The following LRRC1 variants were observed in gnomAD, a reference collection of about 807,000 sequenced individuals.
LRRC1 encodes the protein leucine-rich repeat-containing protein 1.
In LRRC1, 28 loss-of-function variants were observed where a neutral mutation model predicts 69.9. The observed-to-expected ratio is 0.40, with a 90% CI of 0.30 to 0.55. The LOEUF (loss-of-function observed/expected upper bound fraction) is 0.55. Among genes scored for constraint, LRRC1 ranks in the 20% least tolerant of loss-of-function variants. The probability of loss-of-function intolerance (pLI) is 0.47; values close to 1 mark genes in which losing one functional copy is unlikely to be tolerated. For missense variants in LRRC1, 498 were observed against 609.0 expected, an observed-to-expected ratio of 0.82 and a Z score of 1.92; for synonymous variants, 236 against 240.2, an observed-to-expected ratio of 0.98 and a Z score of 0.16.
chr6:53,903,842 C>T (rs1768144774), intron 9 of LRRC1, among the ~76,000 whole-genome samples: 1 of 152,234 alleles, frequency 6.6e-6, no homozygotes, highest in Non-Finnish European at 1.5e-5. Flanking sequence ...CTGGATTGCA[C>T]TGGAGTGTTG....
At chr6:53,840,228 ATACT>A (rs1380191028) in intron 1 of LRRC1, among the ~76,000 whole-genome samples, 2 of 152,204 alleles carry the variant, frequency 1.3e-5, no homozygotes, top group African/African-American at 4.8e-5. Flanking sequence ...TTCTGTAATC[ATACT>A]TAATTGATAG....
At chr6:53,872,462 A>T (rs1216429445) in intron 2 of LRRC1, among the ~76,000 whole-genome samples, 4 of 152,090 alleles carry the variant, frequency 2.6e-5, no homozygotes, top group Non-Finnish European at 5.9e-5. Context: ...CTAGTACCAT[A>T]CTGTTTTGGT....
At position 53,920,665 on chromosome 6, in the gene LRRC1, T is replaced by C. The variant is rs777891060; in HGVS notation, c.1320T>C (p.Asn440=). Residue 440 remains asparagine (N), a synonymous_variant, in exon 13 of 14, where the codon AAT becomes AAC. Transcript: ENST00000370888. ...GTGGTGCACTGGAGAACTTGGTAAA[T>C]GATGTCTCTGATGAAGCCTGGAACG... ...PRCGALENLV[N]DVSDEAWNER... 1.9e-6 allele frequency: 3 copies of C among 1,614,152 alleles called. No homozygotes were observed. In the South Asian group the frequency reaches 3.3e-5, roughly 18 times the overall value.
intron 10 of LRRC1, among the ~76,000 whole-genome samples, chr6:53,906,013 G>A (rs1330092556): frequency 1.3e-5 from 2 of 152,226 alleles, no homozygotes; most frequent in Admixed American, 1.3e-4. Context: ...CAGATGGATA[G>A]TAGATTGGGC....
intron 11 of LRRC1, chr6:53,919,230 T>TC (rs57302181): frequency 0.56 from 48,852 of 87,466 alleles, 14,713 homozygotes; most frequent in East Asian, 0.81. Context: ...TTTCTCTCTC[T>TC]TTTTTTTTTT....
intron 1 of LRRC1, among the ~76,000 whole-genome samples, chr6:53,825,967 T>C (rs1349676198): frequency 6.6e-6 from 1 of 151,990 alleles, no homozygotes; most frequent in East Asian, 1.9e-4. Context: ...AGTAACTTAC[T>C]GGCTGAGTGT....
At chr6:53,876,117 A>G (rs1767059692) in intron 2 of LRRC1, among the ~76,000 whole-genome samples, 1 of 152,158 alleles carries the variant, frequency 6.6e-6, no homozygotes, top group South Asian at 2.1e-4. Context: ...GTTCCATCTG[A>G]CTAGGGAGGC....
chr6:53,867,827 C>A (rs1371242630), intron 2 of LRRC1, among the ~76,000 whole-genome samples: 1 of 151,502 alleles, frequency 6.6e-6, no homozygotes, highest in African/African-American at 2.4e-5. Context: ...TGGTGGCGTG[C>A]ACCTGTAGTC....
chr6:53,910,504 C>T (rs1441262394), intron 10 of LRRC1, among the ~76,000 whole-genome samples: 2 of 152,034 alleles, frequency 1.3e-5, no homozygotes, highest in African/African-American at 2.4e-5. Flanking sequence ...TTAAGACATT[C>T]GGGTAAGTTC....
Position 53,880,965 on chromosome 6 carries a change from A to G in LRRC1, c.356+1894A>G, listed in dbSNP as rs9463990. 2.2e-3 allele frequency among the ~76,000 whole-genome samples: 340 copies of G among 151,416 alleles called. 3 individuals are homozygous for G. Among genetic ancestry groups the G allele is most frequent in the African/African-American group, 7.1e-3 (291 of 41,266 alleles). On this transcript the variant is annotated intron_variant, in intron 3 of 13. Transcript: ENST00000370888. The stretch of plus-strand genomic sequence containing the variant: ...ATTCAGTTGCGTATTCCTTTTTTCT[A>G]TTTCTTTGATTTTCCTTTTCTAATG...
chr6:53,878,987 C>T lies in LRRC1; in HGVS notation c.278-6C>T, dbSNP rs768167365. 1 of 1,595,886 alleles carries T rather than the reference C, an allele frequency of 6.3e-7. No homozygotes were observed. ...CAAATTATAGACATTTTCTCTACTC[C>T]TGCAGAGATTCCTGAAATTCCAGAA... On this transcript the variant is annotated splice_polypyrimidine_tract_variant and splice_region_variant and intron_variant, in intron 2 of 13. Coordinates refer to ENST00000370888, the MANE Select transcript of LRRC1 (RefSeq NM_018214.5).
Position 53,851,173 on chromosome 6 carries a change from GACACACACACAC to G in LRRC1, c.277+8967_277+8978del, listed in dbSNP as rs3222575. Among the ~76,000 whole-genome samples, 270 of 144,776 alleles carry G rather than the reference GACACACACACAC, an allele frequency of 1.9e-3. 2 individuals are homozygous for G. Among genetic ancestry groups the G allele is most frequent in the African/African-American group, 6.6e-3 (259 of 38,974 alleles). The allele number at this position is 144,776 out of a possible 152,430, so 95.0% of individuals were successfully genotyped here. A position where few individuals can be genotyped will look rare whatever the true frequency, so the allele number is the denominator to read the frequency against. On this transcript the variant is annotated intron_variant, in intron 2 of 13. Coordinates refer to ENST00000370888, the MANE Select transcript of LRRC1 (RefSeq NM_018214.5). ...GTCTCCAGGGAAACAGAACTAATAG[GACACACACACAC>G]ACACACACACACACACACACGTGAA... is the stretch of plus-strand genomic sequence containing the variant.
intron 1 of LRRC1, among the ~76,000 whole-genome samples, chr6:53,807,315 T>A (rs143900319): frequency 6.6e-6 from 1 of 152,314 alleles, no homozygotes; most frequent in Non-Finnish European, 1.5e-5. Flanking sequence ...TATTGTTGAG[T>A]GCTGGCTGTG....
chr6:53,864,968 G>A (rs1165419898), intron 2 of LRRC1, among the ~76,000 whole-genome samples: 1 of 152,088 alleles, frequency 6.6e-6, no homozygotes, highest in Non-Finnish European at 1.5e-5. Flanking sequence ...AAAATATAAA[G>A]TGTCCATATG....
In LRRC1 at chr6:53,842,121, G is replaced by A; in HGVS notation, c.171G>A (p.Gln57=). The change falls in exon 2 of 14, where the codon CAG becomes CAA. Residue 57 remains glutamine (Q), a synonymous_variant. Transcript: ENST00000370888. ...CTTTTGTCTTTCAGCAATTTTTCCA[G>A]CTAGTCAAATTACGAAAGCTTGGAC... ...QLRELPEQFF[Q]LVKLRKLGLS... 5.0e-6 allele frequency: 8 copies of A among 1,610,842 alleles called. No homozygotes were observed. Among genetic ancestry groups the A allele is most frequent in the Non-Finnish European group, 6.8e-6 (8 of 1,177,762 alleles).
chr6:53,885,983 TC>T (rs1397278630), intron 4 of LRRC1, among the ~76,000 whole-genome samples: 4 of 152,214 alleles, frequency 2.6e-5, no homozygotes, highest in African/African-American at 9.6e-5. Flanking sequence ...TCAGTAACTT[TC>T]TTTTAATACT....
chr6:53,818,667 A>G (rs770709963), intron 1 of LRRC1, among the ~76,000 whole-genome samples: 15 of 152,232 alleles, frequency 9.9e-5, no homozygotes, highest in Non-Finnish European at 2.1e-4. Flanking sequence ...GCATGGAGAA[A>G]GATAACAGGG....
At chr6:53,844,425 T>G (rs1298798260) in intron 2 of LRRC1, among the ~76,000 whole-genome samples, 1 of 152,156 alleles carries the variant, frequency 6.6e-6, no homozygotes, top group African/African-American at 2.4e-5. Context: ...CGTAATTAAC[T>G]CTAATGGGAT....
Position 53,837,704 on chromosome 6 carries a change from T to C in LRRC1, c.160-4406T>C, listed in dbSNP as rs180883611. ...ATATAATAATAAAAGGGGACCCAGC[T>C]CTTCTAGGACTGAGATTTTCTTTGT... On this transcript the variant is annotated intron_variant, in intron 1 of 13. Transcript: ENST00000370888. 5.3e-5 allele frequency among the ~76,000 whole-genome samples: 8 copies of C among 152,306 alleles called. No homozygotes were observed. In the East Asian group the frequency reaches 1.5e-3, roughly 29 times the overall value.
Sources: allele counts gnomAD v4.1 joint callset (sites outside exome capture counted in the v4.1 genomes callset), GRCh38; gene constraint gnomAD v4.1.1; transcripts MANE v1.5; gene names NCBI Gene and HGNC (gene_info 2026-07-23, HGNC 2026-07-21).